The following FGB variants were observed in gnomAD, a reference collection of about 807,000 sequenced individuals.
FGB encodes the protein beta-fibrinogen.
FGB carries 25 observed loss-of-function variants against 57.9 expected under a neutral mutation model. That is an observed-to-expected ratio of 0.43 (90% CI 0.31 to 0.60). The LOEUF (loss-of-function observed/expected upper bound fraction) is 0.60, where lower values mean the gene tolerates loss of function less well. Among genes scored for constraint, FGB ranks in the 20% least tolerant of loss-of-function variants. FGB has a pLI of 0.08. For synonymous variants in FGB, 203 were observed against 199.2 expected, an observed-to-expected ratio of 1.02 and a Z score of -0.16; for missense variants, 536 against 598.4, an observed-to-expected ratio of 0.90 and a Z score of 1.09.
chr4:154,568,802 T>A (rs1395634896), intron 5 of FGB, among the ~76,000 whole-genome samples: 1 of 151,182 alleles, frequency 6.6e-6, no homozygotes, highest in Non-Finnish European at 1.5e-5. Context: ...CCTGGAGTCT[T>A]GATCATGCTA....
intron 5 of FGB, 94 bp downstream of exon 5, chr4:154,568,588 G>T: frequency 2.7e-6 from 2 of 728,910 alleles, no homozygotes; most frequent in Non-Finnish European, 4.9e-6. Flanking sequence ...GCTCATACCT[G>T]TAATTCCAGC....
chr4:154,570,691 A>G lies in FGB; in HGVS notation c.*41A>G, dbSNP rs1006878751. 2.1e-6 allele frequency: 3 copies of G among 1,423,836 alleles called. No individual in the cohort carries two copies. Among genetic ancestry groups the G allele is most frequent in the Non-Finnish European group, 2.0e-6 (2 of 1,008,778 alleles). 88.2% of individuals were successfully genotyped at this position (1,423,836 alleles called of 1,614,324 possible). On this transcript the variant is annotated 3_prime_UTR_variant, in exon 8 of 8. Transcript: ENST00000302068. Reference sequence around the variant, plus strand: ...TTTTTGCTCTTCTGTATGTGACAACATTTTTGTACATTATGTTATTGGAAT... The same window carrying G: ...TTTTTGCTCTTCTGTATGTGACAACGTTTTTGTACATTATGTTATTGGAAT...
chr4:154,569,688 C>T lies in FGB; in HGVS notation c.1133C>T (p.Thr378Ile). The T allele has an allele frequency of 6.2e-7, 1 of 1,614,088 alleles. No individual in the cohort carries two copies. Among genetic ancestry groups the T allele is most frequent in the Non-Finnish European group, 8.5e-7 (1 of 1,179,986 alleles). Residue 378 changes from threonine (T) to isoleucine (I), a missense_variant, in exon 7 of 8, where the codon ACA becomes ATA. Thr to Ile is a moderately conservative substitution (Grantham distance 89). Transcript: ENST00000302068. The part of the protein sequence containing the change: ...YQISVNKYRG[T>I]AGNALMDGAS... Reference sequence around the variant, plus strand: ...ATCTCAGTGAACAAATACAGAGGAACAGCCGGTAATGCCCTCATGGATGGA... The same window carrying T: ...ATCTCAGTGAACAAATACAGAGGAATAGCCGGTAATGCCCTCATGGATGGA...
intron 1 of FGB, among the ~76,000 whole-genome samples, chr4:154,564,243 T>C (rs780014334): frequency 6.6e-5 from 10 of 152,108 alleles, no homozygotes; most frequent in Non-Finnish European, 1.3e-4. Flanking sequence ...GCCTTCATAA[T>C]TTCTTTAAGT....
At chr4:154,569,071 G>A (rs1730298783) in intron 5 of FGB, 111 bp from the exon 6 acceptor site, 2 of 1,209,858 alleles carry the variant, frequency 1.7e-6, no homozygotes, top group Non-Finnish European at 1.2e-6. Flanking sequence ...GTCTATTTTA[G>A]AGCACCAAAT....
In FGB at chr4:154,567,659, C is replaced by G; in HGVS notation, c.557C>G (p.Thr186Ser). The G allele has an allele frequency of 6.2e-7, 1 of 1,613,298 alleles. No individual in the cohort carries two copies. Among genetic ancestry groups the G allele is most frequent in the Non-Finnish European group, 8.5e-7 (1 of 1,179,264 alleles). The change falls in exon 4 of 8, where the codon ACT (threonine) becomes AGT (serine). Residue 186 changes from threonine to serine, a missense_variant. Around this residue, in one of 3 missense-constraint regions of FGB, gnomAD observed 354 missense variants for 383.4 expected, o/e 0.92. Coordinates refer to ENST00000302068, the MANE Select transcript of FGB (RefSeq NM_005141.5). ...LEKHQLYIDE[T>S]VNSNIPTNLR... ...AAGCACCAATTATATATAGATGAGA[C>G]TGTGAATAGCAATATCCCAACTAAC...
intron 5 of FGB, among the ~76,000 whole-genome samples, chr4:154,568,719 G>C (rs560586899): frequency 2.0e-3 from 293 of 144,254 alleles, no homozygotes; most frequent in Non-Finnish European, 3.6e-3. Context: ...AAAAAAATCA[G>C]CTGTGTTGGT....
Position 154,569,613 on chromosome 4 carries a change from A to C in FGB, c.1058A>C (p.Lys353Thr). The C allele has an allele frequency of 1.2e-6, 2 of 1,614,180 alleles. No homozygotes were observed. The highest frequency in any genetic ancestry group is 1.7e-6 in the Non-Finnish European group (2 of 1,180,018). ...EMEDWKGDKV[K>T]AHYGGFTVQN... ...GAGGACTGGAAAGGAGACAAAGTAA[A>C]GGCTCACTATGGAGGATTCACTGTA... Residue 353 changes from lysine to threonine, a missense_variant, in exon 7 of 8, where the codon AAG (lysine) becomes ACG (threonine). Transcript: ENST00000302068.
Position 154,566,482 on chromosome 4 carries a change from T to C in FGB, c.307-7T>C, listed in dbSNP as rs754431566. 1.2e-6 allele frequency: 2 copies of C among 1,613,874 alleles called. No homozygotes were observed. The highest frequency in any genetic ancestry group is 1.6e-4 in the Middle Eastern group (1 of 6,062). The stretch of plus-strand genomic sequence containing the variant: ...CATCTAATGCCTGCTATTTTCTTTG[T>C]TTTTAGGGGGTGTTGTGTCCTACAG... On this transcript the variant is annotated splice_polypyrimidine_tract_variant and splice_region_variant and intron_variant, in intron 2 of 7. Coordinates refer to ENST00000302068, the MANE Select transcript of FGB (RefSeq NM_005141.5).
In FGB at chr4:154,566,502, C is replaced by T; in HGVS notation, c.320C>T (p.Pro107Leu). ...CTTTGTTTTTAGGGGGTGTTGTGTC[C>T]TACAGGATGTCAGTTGCAAGAGGCT... ...HADPDLGVLC[P>L]TGCQLQEALL... Residue 107 changes from proline to leucine, a missense_variant, in exon 3 of 8, where the codon CCT becomes CTT. By Grantham distance (98) the Pro-to-Leu change is moderately conservative (BLOSUM62 -3). Around this residue, in one of 3 missense-constraint regions of FGB, gnomAD observed 354 missense variants for 383.4 expected, o/e 0.92. Coordinates refer to ENST00000302068, the MANE Select transcript of FGB (RefSeq NM_005141.5). The T allele has an allele frequency of 6.2e-7, 1 of 1,613,976 alleles. No individual in the cohort carries two copies. The highest frequency in any genetic ancestry group is 8.5e-7 in the Non-Finnish European group (1 of 1,179,994).
chr4:154,572,549 C>T lies in FGB; in HGVS notation c.*1899C>T, dbSNP rs1302490361. On this transcript the variant is annotated 3_prime_UTR_variant, in exon 8 of 8. Transcript: ENST00000302068. ...CACATCCTGAGTTCCAACGGACAGG[C>T]AGGGAGTTCAAGTGTCCTTCACAGA... Among the ~76,000 whole-genome samples the T allele has an allele frequency of 2.0e-5, 3 of 152,188 alleles. No homozygotes were observed. The highest frequency in any genetic ancestry group is 4.4e-5 in the Non-Finnish European group (3 of 68,020).
intron 1 of FGB, chr4:154,565,126 T>C (rs2110758389): frequency 4.6e-6 from 2 of 439,390 alleles, no homozygotes; most frequent in South Asian, 1.7e-5. Context: ...CAATAAGTTA[T>C]TTAATCCTTA....
intron 4 of FGB, 110 bp downstream of exon 4, chr4:154,567,930 A>C: frequency 1.2e-6 from 1 of 854,938 alleles, no homozygotes; most frequent in Admixed American, 1.7e-5. Flanking sequence ...CCAACAGATC[A>C]TAATGACATT....
chr4:154,572,243 A>C lies in FGB; in HGVS notation c.*1593A>C, dbSNP rs1052448031. 6.6e-6 allele frequency among the ~76,000 whole-genome samples: 1 copy of C among 152,036 alleles called. No homozygotes were observed. The highest frequency in any genetic ancestry group is 2.4e-5 in the African/African-American group (1 of 41,394). ...GCCCTTTAAAAATTTCAACAGCTTT[A>C]TTGAGATATAATTGATATAATTTAA... On this transcript the variant is annotated 3_prime_UTR_variant, in exon 8 of 8. Coordinates refer to ENST00000302068, the MANE Select transcript of FGB (RefSeq NM_005141.5).
In FGB at chr4:154,565,982, C is replaced by T. The variant is rs1730142864; in HGVS notation, c.289C>T (p.His97Tyr). 6.2e-7 allele frequency: 1 copy of T among 1,613,364 alleles called. No homozygotes were observed. Residue 97 changes from histidine (H) to tyrosine (Y), a missense_variant, in exon 2 of 8, where the codon CAC becomes TAC. Physicochemically the swap from His to Tyr is moderately conservative, Grantham distance 83. Transcript: ENST00000302068. The stretch of plus-strand genomic sequence containing the variant: ...AGCCCCTGATGCTGGAGGCTGTCTT[C>T]ACGCTGACCCAGACCTGGTGGGTGC... ...RKAPDAGGCL[H>Y]ADPDLGVLCP...
chr4:154,563,194 T>TATGATTATGTTA, intron 1 of FGB, 62 bp downstream of exon 1: 1 of 721,288 alleles, frequency 1.4e-6, no homozygotes, highest in Non-Finnish European at 2.4e-6. Context: ...TGTAACATAA[T>TATGATTATGTTA]CATATTATGT....
At chr4:154,566,364 C>T (rs925004372) in intron 2 of FGB, 125 bp from the exon 3 acceptor site, 11 of 904,854 alleles carry the variant, frequency 1.2e-5, no homozygotes, top group Non-Finnish European at 1.9e-5. Context: ...TCTGGTCTTA[C>T]AGAAAACCAA....
chr4:154,563,286 T>G (rs1730024744), intron 1 of FGB, among the ~76,000 whole-genome samples, 154 bp downstream of exon 1: 1 of 151,828 alleles, frequency 6.6e-6, no homozygotes, highest in Non-Finnish European at 1.5e-5. Context: ...AAAGAATGTT[T>G]CATAGTATTT....
At position 154,566,505 on chromosome 4, in the gene FGB, C is replaced by CAGG; in HGVS notation, c.325_327dup (p.Gly109dup). On this transcript the variant is annotated inframe_insertion, in exon 3 of 8. Coordinates refer to ENST00000302068, the MANE Select transcript of FGB (RefSeq NM_005141.5). ...TGTTTTTAGGGGGTGTTGTGTCCTA[C>CAGG]AGGATGTCAGTTGCAAGAGGCTTTG... The CAGG allele has an allele frequency of 1.2e-6, 2 of 1,614,078 alleles. No homozygotes were observed. Among genetic ancestry groups the CAGG allele is most frequent in the Non-Finnish European group, 1.7e-6 (2 of 1,180,000 alleles).
Sources: gnomAD v4.1 joint callset for allele counts (sites outside exome capture counted in the v4.1 genomes callset) on GRCh38, gnomAD v4.1.1 for gene constraint, gnomAD v4.1.1 regional missense constraint, MANE v1.5 for transcripts, NCBI Gene and HGNC (gene_info 2026-07-23, HGNC 2026-07-21) for gene names.